The following PLXDC2 variants were observed in gnomAD, a reference collection of about 807,000 sequenced individuals.
PLXDC2 encodes the protein plexin domain-containing protein 2.
A neutral mutation model predicts 68.9 loss-of-function variants in PLXDC2; 40 were observed. The observed-to-expected ratio is 0.58, with a 90% CI of 0.45 to 0.76. The LOEUF is 0.76. Ranked by LOEUF, PLXDC2 falls within the 30% of genes least tolerant of loss-of-function variation. The pLI is 0.00. For synonymous variants in PLXDC2, 243 were observed against 234.2 expected (o/e 1.04, Z -0.34); for missense variants, 644 against 661.9 (o/e 0.97, Z 0.30).
chr10:19,845,315 A>G (rs1281157856), intron 1 of PLXDC2, among the ~76,000 whole-genome samples: 1 of 152,188 alleles, frequency 6.6e-6, no homozygotes, highest in African/African-American at 2.4e-5. Context: ...TTCTTGCCAG[A>G]TGAAATGTTA....
intron 1 of PLXDC2, among the ~76,000 whole-genome samples, chr10:19,953,585 T>A (rs1834023927): frequency 6.6e-6 from 1 of 152,218 alleles, no homozygotes; most frequent in Admixed American, 6.5e-5. Flanking sequence ...TTCCAGTAGG[T>A]CTAGAAGTAG....
chr10:19,821,906 A>T (rs552329370), intron 1 of PLXDC2, among the ~76,000 whole-genome samples: 1 of 152,072 alleles, frequency 6.6e-6, no homozygotes, highest in African/African-American at 2.4e-5. Flanking sequence ...TTTTTCTTTT[A>T]TACATTCCTT....
intron 4 of PLXDC2, among the ~76,000 whole-genome samples, chr10:20,109,057 G>A (rs570947493): frequency 6.6e-6 from 1 of 152,288 alleles, no homozygotes; most frequent in Non-Finnish European, 1.5e-5. Context: ...ACAATAAATT[G>A]CTTAGTAAAA....
At chr10:19,887,081 A>T (rs1056068531) in intron 1 of PLXDC2, among the ~76,000 whole-genome samples, 2 of 152,228 alleles carry the variant, frequency 1.3e-5, no homozygotes, top group Non-Finnish European at 2.9e-5. Flanking sequence ...AGAACACCCT[A>T]CTTTGAAAAC....
At chr10:20,043,308 A>T (rs1485602403) in intron 2 of PLXDC2, 1 of 152,194 alleles carries the variant, frequency 6.6e-6, no homozygotes, top group African/African-American at 2.4e-5. Flanking sequence ...TATTTCGAAG[A>T]TGTGATATTG....
chr10:19,959,459 A>G (rs985403669), intron 1 of PLXDC2, among the ~76,000 whole-genome samples: 1 of 152,206 alleles, frequency 6.6e-6, no homozygotes, highest in South Asian at 2.1e-4. Flanking sequence ...TCTTTGTAGC[A>G]GTGAGTTTAT....
At chr10:20,187,147 G>A (rs1000058413) in intron 9 of PLXDC2, among the ~76,000 whole-genome samples, 1 of 151,792 alleles carries the variant, frequency 6.6e-6, no homozygotes, top group African/African-American at 2.4e-5. Flanking sequence ...ACGTGGAAAT[G>A]TCTGGTTGGA....
chr10:19,850,891 A>C (rs11594918), intron 1 of PLXDC2, among the ~76,000 whole-genome samples: 7,512 of 152,282 alleles, frequency 0.049, 237 homozygotes, highest in Middle Eastern at 0.1. Context: ...CTGCTTCAAA[A>C]ATAGCAGACT....
chr10:19,841,468 T>A (rs78521728), intron 1 of PLXDC2, among the ~76,000 whole-genome samples: 1 of 151,978 alleles, frequency 6.6e-6, no homozygotes, highest in East Asian at 1.9e-4. Flanking sequence ...AAACAGTATA[T>A]AGAAGAAAAA....
intron 2 of PLXDC2, among the ~76,000 whole-genome samples, chr10:20,030,215 A>AAAC (rs922248014): frequency 6.4e-5 from 8 of 125,488 alleles, no homozygotes; most frequent in African/African-American, 2.3e-4. Context: ...AACAAACAAG[A>AAAC]AACAACAACA....
chr10:19,964,128 T>G (rs1016117527), intron 1 of PLXDC2, among the ~76,000 whole-genome samples: 2 of 152,194 alleles, frequency 1.3e-5, no homozygotes, highest in Non-Finnish European at 2.9e-5. Flanking sequence ...AGCCCCTGAT[T>G]TGTAGCCTCT....
At chr10:19,992,539 G>A (rs1438058125) in intron 1 of PLXDC2, among the ~76,000 whole-genome samples, 1 of 152,048 alleles carries the variant, frequency 6.6e-6, no homozygotes, top group East Asian at 1.9e-4. Context: ...TTTATTATAA[G>A]ATAAGAGATT....
intron 2 of PLXDC2, among the ~76,000 whole-genome samples, chr10:20,021,443 T>G (rs1375469323): frequency 6.6e-6 from 1 of 152,038 alleles, no homozygotes; most frequent in East Asian, 1.9e-4. Context: ...TGGTGTAATT[T>G]TATCCTGTTT....
chr10:20,246,871 G>A (rs73605615), intron 13 of PLXDC2, among the ~76,000 whole-genome samples: 34,853 of 151,844 alleles, frequency 0.23, 4,017 homozygotes, highest in East Asian at 0.26. Context: ...TTTAAACTAT[G>A]GAGTTAAAAT....
chr10:20,143,878 G>C (rs577955844), intron 5 of PLXDC2, among the ~76,000 whole-genome samples: 1 of 152,172 alleles, frequency 6.6e-6, no homozygotes, highest in South Asian at 2.1e-4. Context: ...TTAGTTGTGG[G>C]TAGTTCAACT....
At chr10:19,983,895 AT>A (rs1220219745) in intron 1 of PLXDC2, among the ~76,000 whole-genome samples, 1 of 152,022 alleles carries the variant, frequency 6.6e-6, no homozygotes, top group African/African-American at 2.4e-5. Context: ...CTTTTCCTAG[AT>A]TTTCCTTAGT....
intron 2 of PLXDC2, among the ~76,000 whole-genome samples, chr10:20,043,651 A>G (rs946369727): frequency 2.6e-5 from 4 of 152,052 alleles, no homozygotes; most frequent in Non-Finnish European, 5.9e-5. Flanking sequence ...CTGTTATGTA[A>G]TTCACCTAAA....
intron 2 of PLXDC2, among the ~76,000 whole-genome samples, chr10:20,018,532 A>T (rs1835250861): frequency 6.6e-6 from 1 of 152,154 alleles, no homozygotes; most frequent in African/African-American, 2.4e-5. Flanking sequence ...ATTTCTCTGA[A>T]ATATTAGTTT....
At chr10:19,822,755 C>T (rs1836494478) in intron 1 of PLXDC2, among the ~76,000 whole-genome samples, 1 of 152,062 alleles carries the variant, frequency 6.6e-6, no homozygotes, top group South Asian at 2.1e-4. Flanking sequence ...ATGTCATATG[C>T]CTGTTGGCCA....
Sources: allele counts gnomAD v4.1 joint callset (sites outside exome capture counted in the v4.1 genomes callset), GRCh38; gene constraint gnomAD v4.1.1; transcripts MANE v1.5; gene names NCBI Gene and HGNC (gene_info 2026-07-23, HGNC 2026-07-21).